Variants in TSHZ2 observed in about 807,000 individuals in gnomAD.
TSHZ2 encodes teashirt zinc finger homeobox 2.
In TSHZ2, 21 loss-of-function variants were observed where a neutral mutation model predicts 74.4. The ratio of observed to expected loss-of-function variants is 0.28; its 90% CI spans 0.20 to 0.41. The LOEUF (loss-of-function observed/expected upper bound fraction) is 0.41. TSHZ2 is among the 10% of genes least tolerant of loss of function. TSHZ2 has a pLI of 1.00. For missense variants in TSHZ2, 1,244 were observed against 1,293.5 expected, an observed-to-expected ratio of 0.96 and a Z score of 0.59; for synonymous variants, 540 against 515.3, an observed-to-expected ratio of 1.05 and a Z score of -0.65.
At chr20:53,085,175 G>A (rs537774173) in intron 1 of TSHZ2, among the ~76,000 whole-genome samples, 259 of 151,960 alleles carry the variant, frequency 1.7e-3, no homozygotes, top group Middle Eastern at 0.01. Context: ...CCAGCCAGGC[G>A]AATATGGTGA....
chr20:52,988,234 C>G (rs1216532697), intron 1 of TSHZ2, among the ~76,000 whole-genome samples: 1 of 152,140 alleles, frequency 6.6e-6, no homozygotes, highest in Non-Finnish European at 1.5e-5. Context: ...TTGTACCTAA[C>G]ATTTACCAAG....
chr20:53,168,534 T>A (rs1988114907), intron 1 of TSHZ2: 1 of 152,254 alleles, frequency 6.6e-6, no homozygotes, highest in East Asian at 1.9e-4. Flanking sequence ...GAAAAATTGA[T>A]TGAATATATA....
Position 53,255,827 on chromosome 20 carries a change from A to G in TSHZ2, c.2369A>G (p.His790Arg). ...TCTTGTATGTCCCCACCTCAGAAGC[A>G]CGCTCTGTCTGACATCGCCGACATG... is the stretch of plus-strand genomic sequence containing the variant. ...AQSCMSPPQK[H>R]ALSDIADMVK... Residue 790 changes from histidine (H) to arginine (R), a missense_variant, in exon 2 of 3, where the codon CAC (histidine) becomes CGC (arginine). Transcript: ENST00000371497. This position sits in a 1 kb window ranked among gnomAD's most constrained non-coding sequence, Gnocchi z 4.1. 1.2e-6 allele frequency: 2 copies of G among 1,613,022 alleles called. No homozygotes were observed. Among genetic ancestry groups the G allele is most frequent in the Non-Finnish European group, 1.7e-6 (2 of 1,179,462 alleles).
chr20:53,391,484 T>G (rs371811349), intron 2 of TSHZ2, among the ~76,000 whole-genome samples: 19 of 151,854 alleles, frequency 1.3e-4, no homozygotes, highest in African/African-American at 3.4e-4. Context: ...TTTTTGTTTT[T>G]TTTTTTTTAC....
intron 2 of TSHZ2, among the ~76,000 whole-genome samples, chr20:53,385,926 G>A (rs1024189715): frequency 3.9e-5 from 6 of 152,148 alleles, no homozygotes; most frequent in African/African-American, 9.7e-5. Context: ...AGATCACTCC[G>A]GACACAAAGA....
intron 1 of TSHZ2, among the ~76,000 whole-genome samples, chr20:53,234,714 C>T (rs1241996219): frequency 6.6e-6 from 1 of 152,004 alleles, no homozygotes; most frequent in Non-Finnish European, 1.5e-5. Flanking sequence ...ATGTTCCTGG[C>T]TTATGGGAAA....
intron 2 of TSHZ2, among the ~76,000 whole-genome samples, chr20:53,424,382 A>G (rs1331298406): frequency 2.6e-5 from 4 of 152,254 alleles, no homozygotes; most frequent in Admixed American, 1.3e-4. Context: ...AATGAGAATA[A>G]CAAAACAGCC....
chr20:53,220,176 C>A (rs941623792), intron 1 of TSHZ2, among the ~76,000 whole-genome samples: 1 of 152,184 alleles, frequency 6.6e-6, no homozygotes, highest in African/African-American at 2.4e-5. Flanking sequence ...ATTTAGCTAA[C>A]TTGCCATGAA....
In TSHZ2 at chr20:53,455,532, A is replaced by C. The variant is rs376207070; in HGVS notation, c.*9-31612A>C. On this transcript the variant is annotated intron_variant, in intron 2 of 2. Coordinates refer to ENST00000371497, the MANE Select transcript of TSHZ2 (RefSeq NM_173485.6). ...ATTATTATTTCATAAATGTATACTA[A>C]TAATTTTAGTAGCAGTTGAATATGT... 204 of 152,180 alleles carry C rather than the reference A, an allele frequency of 1.3e-3. 1 individual carries two copies. The highest frequency in any genetic ancestry group is 4.3e-3 in the African/African-American group (180 of 41,534). 9.4% of individuals were successfully genotyped at this position (152,180 alleles called of 1,614,324 possible). A position where few individuals can be genotyped will look rare whatever the true frequency, so the allele number is the denominator to read the frequency against.
At chr20:53,265,351 CA>C (rs1990691729) in intron 2 of TSHZ2, among the ~76,000 whole-genome samples, 1 of 152,046 alleles carries the variant, frequency 6.6e-6, no homozygotes, top group African/African-American at 2.4e-5. Context: ...GAGAGACTGG[CA>C]AGCATGAGAG....
rs11283137 is a variant in TSHZ2, at chr20:53,463,435, G to GAAGGAAGGAAGGAAGGAAGGAAGGAAGA, written c.*9-23708_*9-23707insAGGAAGGAAGGAAGGAAGGAAGGAAGAA. Among the ~76,000 whole-genome samples, 179 of 114,312 alleles carry GAAGGAAGGAAGGAAGGAAGGAAGGAAGA rather than the reference G, an allele frequency of 1.6e-3. 19 individuals are homozygous for GAAGGAAGGAAGGAAGGAAGGAAGGAAGA. Among genetic ancestry groups the GAAGGAAGGAAGGAAGGAAGGAAGGAAGA allele is most frequent in the Middle Eastern group, 8.8e-3 (2 of 226 alleles). 75.0% of individuals were successfully genotyped at this position (114,312 alleles called of 152,430 possible). A position where few individuals can be genotyped will look rare whatever the true frequency, so the allele number is the denominator to read the frequency against. On this transcript the variant is annotated intron_variant, in intron 2 of 2. Coordinates refer to ENST00000371497, the MANE Select transcript of TSHZ2 (RefSeq NM_173485.6). Reference sequence around the variant, plus strand: ...GGAAGGAAGGAAGGAAGGAAGGAAGGAGGGAGGGAGGGAAGGAAGGAAGGA... The same window carrying GAAGGAAGGAAGGAAGGAAGGAAGGAAGA: ...GGAAGGAAGGAAGGAAGGAAGGAAGGAAGGAAGGAAGGAAGGAAGGAAGGAAGAAGGGAGGGAGGGAAGGAAGGAAGGA...
chr20:53,394,602 A>G (rs536139802), intron 2 of TSHZ2, among the ~76,000 whole-genome samples: 8 of 151,960 alleles, frequency 5.3e-5, no homozygotes, highest in Non-Finnish European at 1.2e-4. Flanking sequence ...AATTGATTAG[A>G]GCCTGCCTTT....
chr20:53,271,932 A>G (rs1306780419), intron 2 of TSHZ2, among the ~76,000 whole-genome samples: 2 of 152,174 alleles, frequency 1.3e-5, no homozygotes, highest in African/African-American at 2.4e-5. Flanking sequence ...CAGATATTCA[A>G]TTGAGGTTTG....
In TSHZ2 at chr20:53,168,148, A is replaced by G. The variant is rs543824816; in HGVS notation, c.41-85351A>G. Among the ~76,000 whole-genome samples the G allele has an allele frequency of 8.5e-5, 13 of 152,278 alleles. 1 individual carries two copies. In the East Asian group the frequency reaches 2.1e-3, roughly 25 times the overall value. On this transcript the variant is annotated intron_variant, in intron 1 of 2. Transcript: ENST00000371497. ...GTCCCCGAGATCAAGTGCACTCTCA[A>G]TTTGATTTGTTCAGGGTTTGTCCAA...
In TSHZ2 at chr20:53,109,598, GCA is replaced by G. The variant is rs375517008; in HGVS notation, c.40+136268_40+136269del. 8.1e-3 allele frequency among the ~76,000 whole-genome samples: 1,230 copies of G among 152,276 alleles called. 21 individuals carry two copies. The highest frequency in any genetic ancestry group is 0.029 in the African/African-American group (1,196 of 41,550). Reference sequence around the variant, plus strand: ...CCTCCAGAAAGTACTGCAATATTGTGCACAGAATTTTAATTCTCCCTTTGTTT... The same window carrying G: ...CCTCCAGAAAGTACTGCAATATTGTGCAGAATTTTAATTCTCCCTTTGTTT... On this transcript the variant is annotated intron_variant, in intron 1 of 2. Transcript: ENST00000371497.
chr20:53,345,951 G>A (rs1043794202), intron 2 of TSHZ2, among the ~76,000 whole-genome samples: 6 of 152,162 alleles, frequency 3.9e-5, no homozygotes, highest in African/African-American at 1.2e-4. Context: ...AAGAGGGGCC[G>A]ACCCACTCCG....
At chr20:53,199,507 C>T (rs1482955803) in intron 1 of TSHZ2, among the ~76,000 whole-genome samples, 1 of 152,212 alleles carries the variant, frequency 6.6e-6, no homozygotes, top group African/African-American at 2.4e-5. Flanking sequence ...AATCAAGACA[C>T]ATGAATATTG....
intron 2 of TSHZ2, among the ~76,000 whole-genome samples, chr20:53,445,378 T>C (rs1984509606): frequency 6.6e-6 from 1 of 152,206 alleles, no homozygotes; most frequent in Non-Finnish European, 1.5e-5. Flanking sequence ...GTTGCTTCTT[T>C]ACAATCACTA....
chr20:53,441,576 A>G (rs1346698020), intron 2 of TSHZ2, among the ~76,000 whole-genome samples: 4 of 146,524 alleles, frequency 2.7e-5, no homozygotes, highest in Admixed American at 6.8e-5. Flanking sequence ...GTGAGCCACC[A>G]CGCCCAGCCT....
Sources: allele counts gnomAD v4.1 joint callset (sites outside exome capture counted in the v4.1 genomes callset), GRCh38; gene constraint gnomAD v4.1.1; non-coding constraint Gnocchi (gnomAD v3.1); transcripts MANE v1.5; gene names NCBI Gene and HGNC (gene_info 2026-07-23, HGNC 2026-07-21).